The following GML variants were observed in gnomAD, a reference collection of about 807,000 sequenced individuals.
GML encodes the protein glycosylphosphatidylinositol anchored molecule like, also known as glycosyl-phosphatidylinositol-anchored molecule-like protein.
Under a neutral mutation model 8.2 loss-of-function variants are expected in GML, and 5 were observed. The ratio of observed to expected loss-of-function variants is 0.61; its 90% confidence interval spans 0.32 to 1.28. The LOEUF is 1.28. Among genes scored for constraint, GML ranks in the 50% most tolerant of loss-of-function variants. The pLI, the probability that GML is intolerant of heterozygous loss-of-function variation, is 0.06. For synonymous variants in GML, 72 were observed against 69.0 expected, an observed-to-expected ratio of 1.04 and a Z score of -0.22; for missense variants, 191 against 198.3, an observed-to-expected ratio of 0.96 and a Z score of 0.22.
chr8:142,846,381 G>A lies in GML; in HGVS notation c.182-14G>A. ...TGTGAAATCAATTATTTTCATTGCT[G>A]CTTCTTTTTTTAGGCATAAATTCTC... On this transcript the variant is annotated splice_polypyrimidine_tract_variant and intron_variant, in intron 3 of 3. Coordinates refer to ENST00000220940, the MANE Select transcript of GML (RefSeq NM_002066.3). 3 of 1,552,228 alleles carry A rather than the reference G, an allele frequency of 1.9e-6. No individual in the cohort carries two copies. Among genetic ancestry groups the A allele is most frequent in the Non-Finnish European group, 2.7e-6 (3 of 1,131,942 alleles).
At chr8:142,840,277 G>C (rs1257798981) in intron 1 of GML, 139 bp from the exon 2 acceptor site, 1 of 618,324 alleles carries the variant, frequency 1.6e-6, no homozygotes, top group Non-Finnish European at 2.9e-6. Context: ...TGCCTTACCC[G>C]AGGAGCTACT....
rs1043404739 is a variant in GML, at chr8:142,840,118, A to G, written c.-22-298A>G. Among the ~76,000 whole-genome samples, 11 of 152,192 alleles carry G rather than the reference A, an allele frequency of 7.2e-5. 1 individual carries two copies. The highest frequency in any genetic ancestry group is 2.6e-4 in the Admixed American group (4 of 15,286). On this transcript the variant is annotated intron_variant, in intron 1 of 3. Coordinates refer to ENST00000220940, the MANE Select transcript of GML (RefSeq NM_002066.3). ...AGAATCAACCAGCAGATACAGAAAC[A>G]TATTTCGGAGCGTGGGGACCCTTGG...
chr8:142,844,411 C>T (rs994031783), intron 3 of GML, among the ~76,000 whole-genome samples: 18 of 152,050 alleles, frequency 1.2e-4, no homozygotes, highest in African/African-American at 4.3e-4. Context: ...TTTAAAAAAT[C>T]GAACAAAATA....
intron 2 of GML, 39 bp from the exon 3 acceptor site, chr8:142,841,079 G>A: frequency 1.0e-6 from 1 of 966,098 alleles, no homozygotes; most frequent in Non-Finnish European, 1.7e-6. Flanking sequence ...AAAAGGCGTA[G>A]TGGAGCAGAA....
chr8:142,846,315 G>C (rs544679617), intron 3 of GML, 80 bp from the exon 4 acceptor site: 1 of 849,702 alleles, frequency 1.2e-6, no homozygotes, highest in Non-Finnish European at 1.9e-6. Context: ...AATTATGGTT[G>C]AATGTGAGGT....
At chr8:142,837,586 C>A (rs1816362012) in intron 1 of GML, among the ~76,000 whole-genome samples, 1 of 150,680 alleles carries the variant, frequency 6.6e-6, no homozygotes. Flanking sequence ...GTCTCCCTAC[C>A]TGGCACTCTG....
chr8:142,844,563 G>A (rs1304165330), intron 3 of GML, among the ~76,000 whole-genome samples: 1 of 152,126 alleles, frequency 6.6e-6, no homozygotes, highest in African/African-American at 2.4e-5. Context: ...ATTTACTAAA[G>A]TACTTGTGTT....
rs1816508487 is a variant in GML at position 142,846,721 on chromosome 8, C to T, written c.*31C>T. ...CCACCTTGGAGGGTCTGACCATCTT[C>T]ACCTGTTCCGCAGAGAAATGTTGCT... On this transcript the variant is annotated 3_prime_UTR_variant, in exon 4 of 4. Transcript: ENST00000220940. 6.6e-7 allele frequency: 1 copy of T among 1,514,798 alleles called. No homozygotes were observed. Among genetic ancestry groups the T allele is most frequent in the African/African-American group, 1.4e-5 (1 of 72,786 alleles). The allele number at this position is 1,514,798 out of a possible 1,614,324, so 93.8% of individuals were successfully genotyped here. A position where few individuals can be genotyped will look rare whatever the true frequency, so the allele number is the denominator to read the frequency against.
intron 3 of GML, among the ~76,000 whole-genome samples, chr8:142,841,863 G>T (rs1180447085): frequency 6.6e-6 from 1 of 152,200 alleles, no homozygotes; most frequent in African/African-American, 2.4e-5. Flanking sequence ...CCTCGTCTGG[G>T]GCTCTGCTCA....
intron 3 of GML, among the ~76,000 whole-genome samples, chr8:142,844,902 G>C (rs1333327679): frequency 1.3e-5 from 2 of 152,162 alleles, no homozygotes; most frequent in Non-Finnish European, 2.9e-5. Flanking sequence ...CAAACACTGA[G>C]ACTCAGCGCT....
rs1290905979 is a variant in GML, at chr8:142,846,812, TTGTTG to T, written c.*124_*128del. 1.6e-5 allele frequency: 11 copies of T among 698,960 alleles called. No individual in the cohort carries two copies. Among genetic ancestry groups the T allele is most frequent in the Non-Finnish European group, 1.9e-5 (8 of 415,148 alleles). The allele number at this position is 698,960 out of a possible 1,614,324, so 43.3% of individuals were successfully genotyped here. A position where few individuals can be genotyped will look rare whatever the true frequency, so the allele number is the denominator to read the frequency against. On this transcript the variant is annotated 3_prime_UTR_variant, in exon 4 of 4. Coordinates refer to ENST00000220940, the MANE Select transcript of GML (RefSeq NM_002066.3). ...CTCCTCTAGGTGGCCCATTTATGGT[TTGTTG>T]TAAGAGAAAAATTAAAAAAATATTG...
chr8:142,846,686 C>G lies in GML; in HGVS notation c.473C>G (p.Pro158Arg), dbSNP rs1246038308. 1 of 1,610,412 alleles carries G rather than the reference C, an allele frequency of 6.2e-7. No individual in the cohort carries two copies. Among genetic ancestry groups the G allele is most frequent in the South Asian group, 1.1e-5 (1 of 90,886 alleles). The change falls in exon 4 of 4, where the codon CCA becomes CGA. Residue 158 changes from proline (P) to arginine (R), a missense_variant. Transcript: ENST00000220940. Reference protein sequence around the residue: ...FASIIVSNILP With the variant: ...FASIIVSNILR ...TCTATCATAGTCAGCAATATATTGC[C>G]ATGAGGACCCCACCTTGGAGGGTCT...
At chr8:142,841,036 TGAAGAA>T in intron 2 of GML, 76 bp from the exon 3 acceptor site, 1 of 770,900 alleles carries the variant, frequency 1.3e-6, no homozygotes, top group South Asian at 1.4e-5. Flanking sequence ...GGCTGGCCGT[TGAAGAA>T]GGGTGGAGTG....
At position 142,846,724 on chromosome 8, in the gene GML, C is replaced by T. The variant is rs185910108; in HGVS notation, c.*34C>T. On this transcript the variant is annotated 3_prime_UTR_variant, in exon 4 of 4. Coordinates refer to ENST00000220940, the MANE Select transcript of GML (RefSeq NM_002066.3). ...CCTTGGAGGGTCTGACCATCTTCAC[C>T]TGTTCCGCAGAGAAATGTTGCTCTC... 5.3e-4 allele frequency: 800 copies of T among 1,496,994 alleles called. No individual in the cohort carries two copies. The highest frequency in any genetic ancestry group is 5.3e-4 in the Non-Finnish European group (575 of 1,080,742). The allele number at this position is 1,496,994 out of a possible 1,614,324, so 92.7% of individuals were successfully genotyped here. A position where few individuals can be genotyped will look rare whatever the true frequency, so the allele number is the denominator to read the frequency against.
intron 3 of GML, among the ~76,000 whole-genome samples, chr8:142,843,170 G>A: frequency 6.6e-6 from 1 of 151,896 alleles, no homozygotes. Flanking sequence ...GAGACAAGGG[G>A]CCTGGGTATG....
chr8:142,838,087 C>T (rs1816368375), intron 1 of GML, among the ~76,000 whole-genome samples: 2 of 144,844 alleles, frequency 1.4e-5, no homozygotes, highest in Admixed American at 6.9e-5. Context: ...TTCGGAATTT[C>T]AGTTTACGTG....
At chr8:142,839,387 C>G (rs1393504968) in intron 1 of GML, among the ~76,000 whole-genome samples, 1 of 152,216 alleles carries the variant, frequency 6.6e-6, no homozygotes, top group Admixed American at 6.5e-5. Context: ...ACTTGGTACA[C>G]AGGGTGGGGC....
intron 1 of GML, among the ~76,000 whole-genome samples, chr8:142,839,405 G>T (rs965371989): frequency 1.3e-5 from 2 of 152,212 alleles, no homozygotes; most frequent in African/African-American, 4.8e-5. Flanking sequence ...GGCAAAGTGG[G>T]TACTGGATCC....
At chr8:142,836,061 G>A (rs542516536) in intron 1 of GML, among the ~76,000 whole-genome samples, 1 of 152,304 alleles carries the variant, frequency 6.6e-6, no homozygotes, top group Non-Finnish European at 1.5e-5. Context: ...TGTCACCTTT[G>A]TGATAAACTG....
Sources: gnomAD v4.1 joint callset for allele counts (sites outside exome capture counted in the v4.1 genomes callset) on GRCh38, gnomAD v4.1.1 for gene constraint, MANE v1.5 for transcripts, NCBI Gene and HGNC (gene_info 2026-07-23, HGNC 2026-07-21) for gene names.